Variants in PTPRN2 observed in about 807,000 individuals in gnomAD.
The protein encoded by PTPRN2 is protein tyrosine phosphatase receptor type N2.
In PTPRN2, 74 loss-of-function variants were observed where a neutral mutation model predicts 118.8. The observed-to-expected ratio is 0.62, with a 90% CI of 0.52 to 0.76. The LOEUF (loss-of-function observed/expected upper bound fraction) is 0.76. Ranked by LOEUF, PTPRN2 falls within the 30% of genes least tolerant of loss-of-function variation. PTPRN2 has a pLI of 0.00. For missense variants in PTPRN2, 1,481 were observed against 1,394.4 expected (o/e 1.06, Z -0.99); for synonymous variants, 641 against 608.0 (o/e 1.05, Z -0.80).
intron 10 of PTPRN2, among the ~76,000 whole-genome samples, chr7:158,083,940 G>GGCTCTTCCCTAAAACCCATAGTTGCT (rs71189765): frequency 2.0e-5 from 3 of 151,696 alleles, no homozygotes; most frequent in African/African-American, 7.3e-5. Context: ...AATATGTGCA[G>GGCTCTTCCCTAAAACCCATAGTTGCT]GCTCTGACGT....
At chr7:157,807,660 T>C (rs945949315) in intron 12 of PTPRN2, among the ~76,000 whole-genome samples, 1 of 152,176 alleles carries the variant, frequency 6.6e-6, no homozygotes, top group African/African-American at 2.4e-5. Context: ...AGCTGACAAA[T>C]CCTTCACATC....
At chr7:158,336,783 G>A (rs1268167107) in intron 2 of PTPRN2, among the ~76,000 whole-genome samples, 1 of 98,964 alleles carries the variant, frequency 1.0e-5, no homozygotes, top group Admixed American at 1.0e-4. Context: ...GGTGACACCT[G>A]CAGACGTCAC....
At chr7:158,284,782 T>G (rs1404415186) in intron 3 of PTPRN2, among the ~76,000 whole-genome samples, 1 of 152,242 alleles carries the variant, frequency 6.6e-6, no homozygotes, top group Non-Finnish European at 1.5e-5. Flanking sequence ...AGGCGATGAA[T>G]GTACTATCAC....
chr7:157,813,834 C>T lies in PTPRN2; in HGVS notation c.1788+84839G>A, dbSNP rs953830036. 2.6e-5 allele frequency among the ~76,000 whole-genome samples: 4 copies of T among 152,334 alleles called. No homozygotes were observed. Among genetic ancestry groups the T allele is most frequent in the East Asian group, 1.9e-4 (1 of 5,182 alleles). On this transcript the variant is annotated intron_variant, in intron 12 of 22. Coordinates refer to ENST00000389418, the MANE Select transcript of PTPRN2 (RefSeq NM_002847.5). This position sits in a 1 kb window ranked among gnomAD's most constrained non-coding sequence, Gnocchi z 4.7. ...GGCCTGGAGCGCGGGTAAAACAGCT[C>T]GGGGCCAGCCAGAGCTTCTGAGCCA...
chr7:158,501,485 C>A (rs1822357379), intron 1 of PTPRN2, among the ~76,000 whole-genome samples: 1 of 152,196 alleles, frequency 6.6e-6, no homozygotes, highest in South Asian at 2.1e-4. Flanking sequence ...GTTCCCATCC[C>A]CGACACAACG....
At chr7:158,547,196 T>A (rs1826341775) in intron 1 of PTPRN2, among the ~76,000 whole-genome samples, 1 of 152,208 alleles carries the variant, frequency 6.6e-6, no homozygotes, top group Admixed American at 6.5e-5. Flanking sequence ...AAATTTACTA[T>A]CTTATCAGTT....
intron 11 of PTPRN2, among the ~76,000 whole-genome samples, chr7:157,942,224 C>T (rs999396985): frequency 8.1e-5 from 11 of 136,168 alleles, no homozygotes; most frequent in South Asian, 2.3e-4. Flanking sequence ...CCTCCACACA[C>T]GGGAGTCCTC....
intron 1 of PTPRN2, among the ~76,000 whole-genome samples, chr7:158,533,685 A>C (rs1449249427): frequency 6.6e-6 from 1 of 152,220 alleles, no homozygotes; most frequent in Admixed American, 6.5e-5. Context: ...CCGAGCCGTC[A>C]ATCTTCCATC....
chr7:158,249,797 T>G (rs1796544854), intron 3 of PTPRN2, among the ~76,000 whole-genome samples: 1 of 152,208 alleles, frequency 6.6e-6, no homozygotes, highest in Non-Finnish European at 1.5e-5. Flanking sequence ...CATTCACTCA[T>G]AACTTTGACA....
At chr7:158,423,474 A>G (rs1815433840) in intron 2 of PTPRN2, among the ~76,000 whole-genome samples, 2 of 152,078 alleles carry the variant, frequency 1.3e-5, no homozygotes, top group Admixed American at 1.3e-4. Flanking sequence ...GGCACTCCCA[A>G]AATGTCTCAA....
rs907383070 is a variant in PTPRN2, at chr7:157,987,045, G to A, written c.1724-88308C>T. ...GGTTCATGCACTGGAGTAGCTGCCG[G>A]TACACATCTAGGGAGTGATGATCCC... On this transcript the variant is annotated intron_variant, in intron 11 of 22. Coordinates refer to ENST00000389418, the MANE Select transcript of PTPRN2 (RefSeq NM_002847.5). This position sits in a 1 kb window ranked among gnomAD's most constrained non-coding sequence, Gnocchi z 4.3. Among the ~76,000 whole-genome samples the A allele has an allele frequency of 1.3e-5, 2 of 152,144 alleles. No homozygotes were observed. The highest frequency in any genetic ancestry group is 4.8e-5 in the African/African-American group (2 of 41,418).
chr7:158,074,309 A>AG (rs1328349744), intron 11 of PTPRN2, among the ~76,000 whole-genome samples: 1 of 152,184 alleles, frequency 6.6e-6, no homozygotes, highest in Non-Finnish European at 1.5e-5. Context: ...TGGAGAGAAC[A>AG]GCTGAGACCC....
At chr7:158,363,162 G>A (rs1447503587) in intron 2 of PTPRN2, among the ~76,000 whole-genome samples, 4 of 152,148 alleles carry the variant, frequency 2.6e-5, no homozygotes, top group Admixed American at 6.5e-5. Flanking sequence ...GCCAGCCTTC[G>A]CTGAGCCTCC....
chr7:158,398,899 G>A (rs562105468), intron 2 of PTPRN2, among the ~76,000 whole-genome samples: 2 of 152,146 alleles, frequency 1.3e-5, no homozygotes, highest in Non-Finnish European at 2.9e-5. Flanking sequence ...AGTATTATGT[G>A]CTTACAATAT....
intron 2 of PTPRN2, among the ~76,000 whole-genome samples, chr7:158,394,100 T>TCCCACAGACACCTGGACCCCCTCTGTCC: frequency 7.2e-6 from 1 of 138,490 alleles, no homozygotes; most frequent in Non-Finnish European, 1.5e-5. Flanking sequence ...GACCCTTCTC[T>TCCCACAGACACCTGGACCCCCTCTGTCC]CCCACAGACA....
Position 157,763,412 on chromosome 7 carries a change from G to C in PTPRN2, c.1789-80475C>G, listed in dbSNP as rs535080384. On this transcript the variant is annotated intron_variant, in intron 12 of 22. Transcript: ENST00000389418. This position sits in a 1 kb window ranked among gnomAD's most constrained non-coding sequence, Gnocchi z 4.9. ...TCACTGTGGCCATGGGGCGGCCTTCGCTCTGAGGCACAGGTTGGCGGTGGC... is the reference window on the plus strand; with the variant it reads ...TCACTGTGGCCATGGGGCGGCCTTCCCTCTGAGGCACAGGTTGGCGGTGGC... Among the ~76,000 whole-genome samples, 1 of 152,086 alleles carries C rather than the reference G, an allele frequency of 6.6e-6. No homozygotes were observed. The highest frequency in any genetic ancestry group is 2.4e-5 in the African/African-American group (1 of 41,430).
intron 17 of PTPRN2, among the ~76,000 whole-genome samples, chr7:157,581,638 G>T (rs568900355): frequency 1.1e-4 from 16 of 152,368 alleles, no homozygotes; most frequent in African/African-American, 3.8e-4. Context: ...GGAACAAGAA[G>T]TGCAGACTTC....
chr7:157,836,285 G>A (rs1236999041), intron 12 of PTPRN2, among the ~76,000 whole-genome samples: 1 of 152,234 alleles, frequency 6.6e-6, no homozygotes, highest in African/African-American at 2.4e-5. Context: ...CTTGCCAGAT[G>A]CACCTGCATT....
At chr7:158,572,889 A>T (rs559618607) in intron 1 of PTPRN2, among the ~76,000 whole-genome samples, 1 of 152,364 alleles carries the variant, frequency 6.6e-6, no homozygotes, top group South Asian at 2.1e-4. Context: ...TGATTTTGCC[A>T]GTATAGTAAG....
Sources: gnomAD v4.1 joint callset for allele counts (sites outside exome capture counted in the v4.1 genomes callset) on GRCh38, gnomAD v4.1.1 for gene constraint, Gnocchi (gnomAD v3.1) non-coding constraint, MANE v1.5 for transcripts, NCBI Gene and HGNC (gene_info 2026-07-23, HGNC 2026-07-21) for gene names.